Variants in ZHX2 observed in about 807,000 individuals in gnomAD.
ZHX2 encodes the protein zinc fingers and homeoboxes protein 2.
Under a neutral mutation model 21.9 loss-of-function variants are expected in ZHX2, and 6 were observed. The observed-to-expected ratio is 0.27, with a 90% confidence interval of 0.15 to 0.54. The LOEUF (loss-of-function observed/expected upper bound fraction) is 0.54. ZHX2 is among the 20% of genes least tolerant of loss of function. The probability of loss-of-function intolerance (pLI) is 0.95; values close to 1 mark genes in which losing one functional copy is unlikely to be tolerated. For synonymous variants in ZHX2, 434 were observed against 437.1 expected (o/e 0.99, Z 0.09); for missense variants, 908 against 1,090.7 (o/e 0.83, Z 2.36).
At chr8:122,812,316 T>G (rs1292534253) in intron 1 of ZHX2, among the ~76,000 whole-genome samples, 1 of 152,220 alleles carries the variant, frequency 6.6e-6, no homozygotes, top group Admixed American at 6.5e-5. Context: ...TTCAGAGTGA[T>G]GTGTTATGTG....
chr8:122,942,039 C>G (rs186732693), intron 2 of ZHX2, among the ~76,000 whole-genome samples: 98 of 152,302 alleles, frequency 6.4e-4, no homozygotes, highest in Admixed American at 3.9e-4. Context: ...CTTTCAAAGG[C>G]AATTCTGTTT....
intron 2 of ZHX2, among the ~76,000 whole-genome samples, chr8:122,871,064 C>T (rs1025221087): frequency 6.6e-6 from 1 of 152,152 alleles, no homozygotes; most frequent in Non-Finnish European, 1.5e-5. Context: ...TAGCAGTTAA[C>T]AGGTAGGCTC....
chr8:122,835,427 G>A (rs1818472069), intron 1 of ZHX2, among the ~76,000 whole-genome samples: 1 of 152,200 alleles, frequency 6.6e-6, no homozygotes, highest in Non-Finnish European at 1.5e-5. Context: ...GGTGGGATGG[G>A]TTTACAAGCC....
intron 2 of ZHX2, among the ~76,000 whole-genome samples, chr8:122,939,628 G>A (rs1644142226): frequency 6.6e-6 from 1 of 152,200 alleles, no homozygotes; most frequent in Admixed American, 6.5e-5. Flanking sequence ...GATGCTTGGA[G>A]ATGGAAAAGG....
At chr8:122,957,581 C>T (rs1343544220) in intron 3 of ZHX2, among the ~76,000 whole-genome samples, 1 of 152,206 alleles carries the variant, frequency 6.6e-6, no homozygotes, top group African/African-American at 2.4e-5. Flanking sequence ...GATTCTCCTG[C>T]CTCAGCCTTC....
rs964563713 is a variant in ZHX2 at position 122,782,066 on chromosome 8, C to T, written c.-283+120C>T. 1 of 143,378 alleles carries T rather than the reference C, an allele frequency of 7.0e-6. No individual in the cohort carries two copies. The highest frequency in any genetic ancestry group is 1.5e-5 in the Non-Finnish European group (1 of 66,938). 8.9% of individuals were successfully genotyped at this position (143,378 alleles called of 1,614,324 possible). On this transcript the variant is annotated intron_variant, in intron 1 of 3. Transcript: ENST00000314393. The surrounding 1 kb of genome is among the most constrained non-coding windows in gnomAD (Gnocchi z 5.3). ...CACCGCCGCCGTCGCCGCCGCGGCT[C>T]CCGAAAATGTGTTGTTAATGGGACT...
At chr8:122,919,872 T>C (rs1021544260) in intron 2 of ZHX2, among the ~76,000 whole-genome samples, 1 of 152,238 alleles carries the variant, frequency 6.6e-6, no homozygotes, top group Non-Finnish European at 1.5e-5. Context: ...GTAGAAATTG[T>C]TGAAAATATA....
At chr8:122,918,672 C>A (rs868130299) in intron 2 of ZHX2, among the ~76,000 whole-genome samples, 1 of 152,124 alleles carries the variant, frequency 6.6e-6, no homozygotes, top group African/African-American at 2.4e-5. Context: ...TACGTCCGGG[C>A]GCGGTGGCTC....
intron 1 of ZHX2, among the ~76,000 whole-genome samples, chr8:122,838,721 G>A (rs1311388139): frequency 1.3e-5 from 2 of 151,778 alleles, no homozygotes; most frequent in Non-Finnish European, 2.9e-5. Flanking sequence ...GGGACTACAA[G>A]CACGTGCCAC....
intron 1 of ZHX2, among the ~76,000 whole-genome samples, chr8:122,857,480 G>C (rs756717427): frequency 6.6e-6 from 1 of 152,134 alleles, no homozygotes; most frequent in Non-Finnish European, 1.5e-5. Flanking sequence ...AACAAATATG[G>C]GTCAATTCTA....
At chr8:122,793,084 C>T (rs966485867) in intron 1 of ZHX2, among the ~76,000 whole-genome samples, 10 of 152,186 alleles carry the variant, frequency 6.6e-5, no homozygotes, top group East Asian at 1.9e-4. Flanking sequence ...GAGCCTGAAT[C>T]GCTGCTCACA....
intron 2 of ZHX2, among the ~76,000 whole-genome samples, chr8:122,864,651 AG>A (rs1235192721): frequency 6.7e-6 from 1 of 148,442 alleles, no homozygotes; most frequent in Non-Finnish European, 1.5e-5. Context: ...CCCACTCCCC[AG>A]GGCCCCAGAG....
chr8:122,803,630 G>A (rs1270949287), intron 1 of ZHX2, among the ~76,000 whole-genome samples: 1 of 152,176 alleles, frequency 6.6e-6, no homozygotes, highest in Non-Finnish European at 1.5e-5. Context: ...GGGACGAAAC[G>A]GTCCCAATCT....
rs185571239 is a variant in ZHX2, at chr8:122,831,200, C to T, written c.-282-32277C>T. ...GACAAAGACTAGAAGATAGCAGAGCCGTTTATCGGGCGGCATGTGAGCGAA... is the reference window on the plus strand; with the variant it reads ...GACAAAGACTAGAAGATAGCAGAGCTGTTTATCGGGCGGCATGTGAGCGAA... On this transcript the variant is annotated intron_variant, in intron 1 of 3. Coordinates refer to ENST00000314393, the MANE Select transcript of ZHX2 (RefSeq NM_014943.5). 1.1e-3 allele frequency among the ~76,000 whole-genome samples: 172 copies of T among 152,260 alleles called. 1 individual carries two copies. The highest frequency in any genetic ancestry group is 6.8e-3 in the Middle Eastern group (2 of 294).
rs370672302 is a variant in ZHX2 at position 122,952,284 on chromosome 8, C to T, written c.774C>T (p.Val258=). 17 of 1,614,050 alleles carry T rather than the reference C, an allele frequency of 1.1e-5. No individual in the cohort carries two copies. The highest frequency in any genetic ancestry group is 1.7e-5 in the Admixed American group (1 of 59,998). ...LPPNINLVPK[V]PVPLNTTKYN... is the part of the protein sequence containing the mutation. ...CAAATATCAACCTTGTGCCCAAGGT[C>T]CCTGTCCCACTAAATACTACCAAAT... The change falls in exon 3 of 4, where the codon GTC becomes GTT. Residue 258 remains valine, a synonymous_variant. Transcript: ENST00000314393. The surrounding 1 kb of genome is among the most constrained non-coding windows in gnomAD (Gnocchi z 6.9).
chr8:122,850,377 C>T (rs1474426589), intron 1 of ZHX2, among the ~76,000 whole-genome samples: 2 of 152,118 alleles, frequency 1.3e-5, no homozygotes, highest in Non-Finnish European at 1.5e-5. Flanking sequence ...GTGGCTCATG[C>T]CTGTAATCCC....
chr8:122,886,190 A>T (rs994060068), intron 2 of ZHX2, among the ~76,000 whole-genome samples: 8 of 152,228 alleles, frequency 5.3e-5, no homozygotes, highest in African/African-American at 1.9e-4. Flanking sequence ...ACACGGAGAA[A>T]CCTTCAATGC....
intron 2 of ZHX2, among the ~76,000 whole-genome samples, chr8:122,914,534 G>C (rs981833897): frequency 3.3e-5 from 5 of 152,126 alleles, no homozygotes; most frequent in African/African-American, 9.7e-5. Context: ...CAAAATGCTC[G>C]CCCTGTCCCT....
At chr8:122,848,631 C>T (rs1394348080) in intron 1 of ZHX2, among the ~76,000 whole-genome samples, 1 of 152,170 alleles carries the variant, frequency 6.6e-6, no homozygotes, top group Non-Finnish European at 1.5e-5. Context: ...AAGATTTGAC[C>T]AGGCAGGGGG....
Sources: gnomAD v4.1 joint callset for allele counts (sites outside exome capture counted in the v4.1 genomes callset) on GRCh38, gnomAD v4.1.1 for gene constraint, Gnocchi (gnomAD v3.1) non-coding constraint, MANE v1.5 for transcripts, NCBI Gene and HGNC (gene_info 2026-07-23, HGNC 2026-07-21) for gene names.